The following KCNK2 variants were observed in gnomAD, a reference collection of about 807,000 sequenced individuals.
The protein encoded by KCNK2 is potassium channel subfamily K member 2.
Under a neutral mutation model 40.5 loss-of-function variants are expected in KCNK2, and 21 were observed. The observed-to-expected ratio is 0.52, with a 90% confidence interval of 0.37 to 0.75. The LOEUF (loss-of-function observed/expected upper bound fraction) is 0.75, where lower values mean the gene tolerates loss of function less well. Ranked by LOEUF, KCNK2 falls within the 30% of genes least tolerant of loss-of-function variation. The pLI, the probability that KCNK2 is intolerant of heterozygous loss-of-function variation, is 0.00. For missense variants in KCNK2, 399 were observed against 531.6 expected (o/e 0.75, Z 2.45); for synonymous variants, 191 against 202.2 (o/e 0.94, Z 0.47).
chr1:215,177,740 A>ATATATATATATTTTT (rs71167812), intron 5 of KCNK2, among the ~76,000 whole-genome samples: 4 of 101,600 alleles, frequency 3.9e-5, no homozygotes, highest in African/African-American at 1.4e-4. Flanking sequence ...ATATATATAT[A>ATATATATATATTTTT]TTTTTTTTTT....
chr1:215,090,428 GT>G (rs1353971750), intron 2 of KCNK2, among the ~76,000 whole-genome samples: 2 of 152,160 alleles, frequency 1.3e-5, no homozygotes, highest in Admixed American at 6.5e-5. Flanking sequence ...TTGATGTAAA[GT>G]TTCCTGTTAT....
chr1:215,169,377 T>G lies in KCNK2; in HGVS notation c.636+18T>G. 2 of 1,562,498 alleles carry G rather than the reference T, an allele frequency of 1.3e-6. No individual in the cohort carries two copies. Among genetic ancestry groups the G allele is most frequent in the Non-Finnish European group, 1.7e-6 (2 of 1,144,566 alleles). On this transcript the variant is annotated intron_variant, in intron 4 of 6. Coordinates refer to ENST00000444842, the MANE Select transcript of KCNK2 (RefSeq NM_001017425.3). ...CGTTTATTGTGAGTATGATAGATAT[T>G]TAACTACGTATATTTATTGTTTGAT...
chr1:215,217,876 T>C (rs954286517), intron 6 of KCNK2, among the ~76,000 whole-genome samples: 2 of 152,218 alleles, frequency 1.3e-5, no homozygotes, highest in African/African-American at 4.8e-5. Context: ...AGCCATTATA[T>C]TTCAGGCACT....
At chr1:215,155,500 G>T (rs190747932) in intron 3 of KCNK2, among the ~76,000 whole-genome samples, 104 of 151,990 alleles carry the variant, frequency 6.8e-4, no homozygotes, top group South Asian at 6.2e-4. Flanking sequence ...ACTTATTCAG[G>T]AAGATATTTA....
At chr1:215,066,127 C>G (rs1402101968) in intron 1 of KCNK2, among the ~76,000 whole-genome samples, 1 of 110,268 alleles carries the variant, frequency 9.1e-6, no homozygotes, top group African/African-American at 4.0e-5. Context: ...AGGTGCAGGG[C>G]TAGGAGAGGG....
rs181992536 is a variant in KCNK2 at position 215,065,187 on chromosome 1, C to T, written c.35-21181C>T. On this transcript the variant is annotated intron_variant, in intron 1 of 6. Coordinates refer to the KCNK2 transcript ENST00000391895. ...TCTAAACAGAACTCTGAAAATGGAA[C>T]AAGATTTTTAGGGGCACTCCTAATT... Among the ~76,000 whole-genome samples the T allele has an allele frequency of 2.2e-3, 338 of 152,258 alleles. 3 individuals carry two copies. Among genetic ancestry groups the T allele is most frequent in the African/African-American group, 7.9e-3 (327 of 41,560 alleles).
At chr1:215,093,979 G>A (rs1274273903) in intron 2 of KCNK2, among the ~76,000 whole-genome samples, 1 of 130,468 alleles carries the variant, frequency 7.7e-6, no homozygotes, top group Non-Finnish European at 1.6e-5. Flanking sequence ...TATATATATT[G>A]TATATGGTTG....
chr1:215,087,665 T>C (rs1015893733), intron 2 of KCNK2, among the ~76,000 whole-genome samples: 1 of 152,240 alleles, frequency 6.6e-6, no homozygotes, highest in African/African-American at 2.4e-5. Context: ...GGAATGGAAA[T>C]TATCTGTGAG....
intron 6 of KCNK2, among the ~76,000 whole-genome samples, chr1:215,199,097 C>T (rs1219102297): frequency 6.6e-6 from 1 of 151,998 alleles, no homozygotes; most frequent in East Asian, 1.9e-4. Context: ...CACCAGAGGT[C>T]AGGAGTTTGA....
At chr1:215,167,420 G>A (rs1227259583) in intron 3 of KCNK2, among the ~76,000 whole-genome samples, 1 of 151,610 alleles carries the variant, frequency 6.6e-6, no homozygotes, top group African/African-American at 2.4e-5. Context: ...AATTTAATAT[G>A]AAGGACAGTA....
At chr1:215,059,146 CATATATATATAT>C (rs35503517) in intron 1 of KCNK2, among the ~76,000 whole-genome samples, 1 of 147,728 alleles carries the variant, frequency 6.8e-6, no homozygotes, top group Non-Finnish European at 1.5e-5. Flanking sequence ...TATACACACA[CATATATATATAT>C]ACACACACAC....
chr1:215,147,016 T>A (rs150370859), intron 3 of KCNK2, among the ~76,000 whole-genome samples: 3,685 of 152,272 alleles, frequency 0.024, 67 homozygotes, highest in Non-Finnish European at 0.033. Context: ...TTGATGAAAA[T>A]ATAGTAATAG....
chr1:215,167,060 C>T (rs1346420706), intron 3 of KCNK2, among the ~76,000 whole-genome samples: 17 of 152,034 alleles, frequency 1.1e-4, no homozygotes, highest in Non-Finnish European at 5.9e-5. Context: ...AATTGACTAA[C>T]TGTTTGAGTA....
chr1:215,118,020 A>G lies in KCNK2; in HGVS notation c.358-6613A>G, dbSNP rs146340216. On this transcript the variant is annotated intron_variant, in intron 2 of 6. Coordinates refer to ENST00000444842, the MANE Select transcript of KCNK2 (RefSeq NM_001017425.3). Reference sequence around the variant, plus strand: ...AGATATATATGTCCAGTAAATTTTAAAAATACTTAGAAAATGGATAATCCA... The same window carrying G: ...AGATATATATGTCCAGTAAATTTTAGAAATACTTAGAAAATGGATAATCCA... Among the ~76,000 whole-genome samples, 55 of 152,232 alleles carry G rather than the reference A, an allele frequency of 3.6e-4. 1 individual carries two copies. In the East Asian group the frequency reaches 5.0e-3, roughly 14 times the overall value.
intron 1 of KCNK2, among the ~76,000 whole-genome samples, chr1:215,040,089 T>A (rs1243366645): frequency 6.6e-6 from 1 of 152,160 alleles, no homozygotes; most frequent in Non-Finnish European, 1.5e-5. Context: ...CCGTGCTAAG[T>A]ACTTTACATT....
intron 5 of KCNK2, among the ~76,000 whole-genome samples, chr1:215,172,768 T>G (rs1249806804): frequency 6.6e-6 from 1 of 152,060 alleles, no homozygotes; most frequent in African/African-American, 2.4e-5. Context: ...GTGATTCTCC[T>G]GTCTCAGCCT....
intron 3 of KCNK2, among the ~76,000 whole-genome samples, chr1:215,144,419 C>T (rs1259309478): frequency 6.6e-6 from 1 of 152,160 alleles, no homozygotes; most frequent in African/African-American, 2.4e-5. Context: ...GGTTGGCTGT[C>T]ACTTGCTTTC....
intron 2 of KCNK2, among the ~76,000 whole-genome samples, chr1:215,110,756 C>T (rs1427779440): frequency 1.0e-5 from 1 of 99,604 alleles, no homozygotes; most frequent in Non-Finnish European, 2.7e-5. Flanking sequence ...CCTGCCCCCA[C>T]ACATGCATAG....
intron 2 of KCNK2, among the ~76,000 whole-genome samples, chr1:215,112,349 A>C (rs1188443590): frequency 7.2e-5 from 11 of 151,938 alleles, no homozygotes; most frequent in African/African-American, 2.7e-4. Flanking sequence ...AAAGTTAAAA[A>C]AATTAAATAG....
Sources: gnomAD v4.1 joint callset for allele counts (sites outside exome capture counted in the v4.1 genomes callset) on GRCh38, gnomAD v4.1.1 for gene constraint, MANE v1.5 for transcripts, NCBI Gene and HGNC (gene_info 2026-07-23, HGNC 2026-07-21) for gene names.